The following CAPZA1 variants were observed in gnomAD, a reference collection of about 807,000 sequenced individuals.
CAPZA1 encodes the protein capping actin protein of muscle Z-line subunit alpha 1, also known as F-actin-capping protein subunit alpha-1.
In CAPZA1, 10 loss-of-function variants were observed where a neutral mutation model predicts 40.8. The ratio of observed to expected loss-of-function variants is 0.25; its 90% confidence interval spans 0.15 to 0.42. The LOEUF (loss-of-function observed/expected upper bound fraction) is 0.42, where lower values mean the gene tolerates loss of function less well. CAPZA1 is among the 10% of genes least tolerant of loss of function. CAPZA1 has a pLI of 1.00. For synonymous variants in CAPZA1, 98 were observed against 115.0 expected, an observed-to-expected ratio of 0.85 and a Z score of 0.95; for missense variants, 277 against 353.8, an observed-to-expected ratio of 0.78 and a Z score of 1.74.
At chr1:112,636,332 G>C (rs1008397601) in intron 1 of CAPZA1, among the ~76,000 whole-genome samples, 8 of 152,256 alleles carry the variant, frequency 5.3e-5, no homozygotes, top group African/African-American at 1.4e-4. Flanking sequence ...CCCTTTTAGA[G>C]GTAAGAGAAT....
intron 1 of CAPZA1, among the ~76,000 whole-genome samples, chr1:112,636,374 AATCTT>A (rs1429780210): frequency 7.9e-5 from 12 of 152,332 alleles, no homozygotes; most frequent in African/African-American, 2.9e-4. Context: ...AAATTTAGGA[AATCTT>A]ATCTTTTGTT....
intron 2 of CAPZA1, among the ~76,000 whole-genome samples, chr1:112,648,980 G>A (rs943271937): frequency 6.0e-5 from 9 of 151,216 alleles, no homozygotes; most frequent in African/African-American, 1.9e-4. Context: ...AAAAAAAGGT[G>A]ACTAGACTTC....
chr1:112,625,196 T>C (rs1232526591), intron 1 of CAPZA1, among the ~76,000 whole-genome samples: 1 of 152,206 alleles, frequency 6.6e-6, no homozygotes, highest in Non-Finnish European at 1.5e-5. Flanking sequence ...TCTGCCATCA[T>C]TGGTGCTCTG....
chr1:112,648,178 A>G (rs1671317054), intron 2 of CAPZA1, among the ~76,000 whole-genome samples: 1 of 152,150 alleles, frequency 6.6e-6, no homozygotes, highest in Non-Finnish European at 1.5e-5. Context: ...CATTTGCTTC[A>G]GGGAGTATAA....
At chr1:112,623,100 T>A (rs1670713720) in intron 1 of CAPZA1, among the ~76,000 whole-genome samples, 1 of 152,108 alleles carries the variant, frequency 6.6e-6, no homozygotes, top group South Asian at 2.1e-4. Flanking sequence ...TTGGTCAGGC[T>A]AGTCTCAAAC....
chr1:112,665,541 A>G (rs1315200336), intron 7 of CAPZA1, among the ~76,000 whole-genome samples: 1 of 152,158 alleles, frequency 6.6e-6, no homozygotes, highest in East Asian at 1.9e-4. Flanking sequence ...ATACCTTAGC[A>G]GAAATTTATT....
rs566557789 is a variant in CAPZA1, at chr1:112,670,345, C to T, written c.*213C>T. On this transcript the variant is annotated 3_prime_UTR_variant, in exon 10 of 10. Transcript: ENST00000263168. ...TAATTTTCTGTTACTGCTATATCTA[C>T]GTGTAAATCTTTTTTTCTTTTTTTT... The T allele has an allele frequency of 1.9e-5, 6 of 313,818 alleles. No individual in the cohort carries two copies. Among genetic ancestry groups the T allele is most frequent in the African/African-American group, 7.1e-5 (3 of 42,060 alleles). The allele number at this position is 313,818 out of a possible 1,614,324, so 19.4% of individuals were successfully genotyped here.
rs114660173 is a variant in CAPZA1, at chr1:112,634,286, C to A, written c.40-12924C>A. On this transcript the variant is annotated intron_variant, in intron 1 of 9. Coordinates refer to ENST00000263168, the MANE Select transcript of CAPZA1 (RefSeq NM_006135.3). The stretch of plus-strand genomic sequence containing the variant: ...TAAGTAAAATAAATATTTACGGAGG[C>A]ATAGTTTACTACTATTATACTTTCT... Among the ~76,000 whole-genome samples the A allele has an allele frequency of 7.6e-3, 1,162 of 152,254 alleles. 16 individuals are homozygous for A. Among genetic ancestry groups the A allele is most frequent in the African/African-American group, 0.027 (1,102 of 41,560 alleles).
At chr1:112,639,820 G>A (rs1278389936) in intron 1 of CAPZA1, among the ~76,000 whole-genome samples, 4 of 150,460 alleles carry the variant, frequency 2.7e-5, no homozygotes, top group African/African-American at 4.9e-5. Context: ...ACTGGGAAGT[G>A]AGGAGCCCCT....
intron 1 of CAPZA1, among the ~76,000 whole-genome samples, chr1:112,640,883 G>A (rs1214857105): frequency 6.6e-6 from 1 of 152,244 alleles, no homozygotes; most frequent in East Asian, 1.9e-4. Flanking sequence ...ACTAAGAGAA[G>A]TTCTTCTGCC....
rs776812903 is a variant in CAPZA1, at chr1:112,653,577, A to ATT, written c.156-21_156-20insTT. 111 of 1,472,278 alleles carry ATT rather than the reference A, an allele frequency of 7.5e-5. No homozygotes were observed. In the African/African-American group the frequency reaches 1.2e-3, roughly 16 times the overall value. 91.2% of individuals were successfully genotyped at this position (1,472,278 alleles called of 1,614,324 possible). A position where few individuals can be genotyped will look rare whatever the true frequency, so the allele number is the denominator to read the frequency against. Reference sequence around the variant, plus strand: ...TCCCTCTTTTTTTTTTTTTTTTTAAAAAACTTTTAAAAAAAAACAGTGCAT... The same window carrying ATT: ...TCCCTCTTTTTTTTTTTTTTTTTAAATTAAACTTTTAAAAAAAAACAGTGCAT... On this transcript the variant is annotated intron_variant, in intron 3 of 9. Coordinates refer to ENST00000263168, the MANE Select transcript of CAPZA1 (RefSeq NM_006135.3).
At chr1:112,654,162 T>C (rs1343726231) in intron 4 of CAPZA1, among the ~76,000 whole-genome samples, 5 of 152,072 alleles carry the variant, frequency 3.3e-5, no homozygotes, top group Non-Finnish European at 7.4e-5. Context: ...GTGAAAAAAA[T>C]ACAAAAGTGT....
chr1:112,638,983 TATA>T (rs1671082283), intron 1 of CAPZA1, among the ~76,000 whole-genome samples: 1 of 148,322 alleles, frequency 6.7e-6, no homozygotes, highest in East Asian at 2.0e-4. Flanking sequence ...GAATAATTTA[TATA>T]ATATATAATT....
chr1:112,670,362 C>CTTTTTTTTTTTTTTTTTTTTTT lies in CAPZA1; in HGVS notation c.*249_*250insTTTTTTTTTTTTTTTTTTTTTT, dbSNP rs58051216. ...TATATCTACGTGTAAATCTTTTTTT[C>CTTTTTTTTTTTTTTTTTTTTTT]TTTTTTTTTTTTTTTTTTTGGTTAA... On this transcript the variant is annotated 3_prime_UTR_variant, in exon 10 of 10. Coordinates refer to ENST00000263168, the MANE Select transcript of CAPZA1 (RefSeq NM_006135.3). 1 of 143,904 alleles carries CTTTTTTTTTTTTTTTTTTTTTT rather than the reference C, an allele frequency of 6.9e-6. No individual in the cohort carries two copies. 8.9% of individuals were successfully genotyped at this position (143,904 alleles called of 1,614,324 possible).
intron 9 of CAPZA1, 98 bp downstream of exon 9, chr1:112,669,703 A>C: frequency 1.1e-6 from 1 of 912,220 alleles, no homozygotes; most frequent in East Asian, 2.5e-5. Flanking sequence ...GTAAATATAC[A>C]TGCTCTTCAG....
At chr1:112,659,927 G>A (rs976767093) in intron 7 of CAPZA1, 148 bp downstream of exon 7, 2 of 630,450 alleles carry the variant, frequency 3.2e-6, no homozygotes, top group Non-Finnish European at 2.8e-6. Context: ...TTCTTGGGGT[G>A]GTAAACAGAG....
chr1:112,641,692 G>C (rs1036706540), intron 1 of CAPZA1, among the ~76,000 whole-genome samples: 1 of 151,770 alleles, frequency 6.6e-6, no homozygotes, highest in South Asian at 2.1e-4. Context: ...AGTTCAAGAC[G>C]AGCCTAGCCA....
At chr1:112,666,314 T>G (rs1456713658) in intron 7 of CAPZA1, among the ~76,000 whole-genome samples, 1 of 150,166 alleles carries the variant, frequency 6.7e-6, no homozygotes, top group Non-Finnish European at 1.5e-5. Context: ...TCTACTTAGG[T>G]GACAACTACT....
At chr1:112,654,890 G>A (rs528771488) in intron 5 of CAPZA1, among the ~76,000 whole-genome samples, 1 of 152,148 alleles carries the variant, frequency 6.6e-6, no homozygotes, top group East Asian at 1.9e-4. Flanking sequence ...TTAGGTATCA[G>A]TGTATTCTGT....
Sources: gnomAD v4.1 joint callset for allele counts (sites outside exome capture counted in the v4.1 genomes callset) on GRCh38, gnomAD v4.1.1 for gene constraint, MANE v1.5 for transcripts, NCBI Gene and HGNC (gene_info 2026-07-23, HGNC 2026-07-21) for gene names.